Variants in UBE2E2 observed in about 807,000 individuals in gnomAD.
The protein encoded by UBE2E2 is ubiquitin-conjugating enzyme E2 E2.
Under a neutral mutation model 24.7 loss-of-function variants are expected in UBE2E2, and 6 were observed. That is an observed-to-expected ratio of 0.24 (90% confidence interval 0.13 to 0.48). The LOEUF (loss-of-function observed/expected upper bound fraction) is 0.48. UBE2E2 is among the 20% of genes least tolerant of loss of function. The pLI is 0.99. For missense variants in UBE2E2, 169 were observed against 245.0 expected (o/e 0.69, Z 2.07); for synonymous variants, 104 against 83.6 (o/e 1.24, Z -1.33).
chr3:23,459,770 G>A (rs1021726402), intron 3 of UBE2E2, among the ~76,000 whole-genome samples: 1 of 152,092 alleles, frequency 6.6e-6, no homozygotes, highest in Non-Finnish European at 1.5e-5. Flanking sequence ...TGTCTTAATT[G>A]CATATTCCTT....
intron 3 of UBE2E2, among the ~76,000 whole-genome samples, chr3:23,483,432 T>G (rs1699296869): frequency 6.6e-6 from 1 of 152,250 alleles, no homozygotes; most frequent in African/African-American, 2.4e-5. Context: ...TTATTATAAC[T>G]TCACACGGTA....
intron 5 of UBE2E2, among the ~76,000 whole-genome samples, chr3:23,537,103 G>A (rs17013433): frequency 0.033 from 5,066 of 152,264 alleles, 130 homozygotes; most frequent in East Asian, 0.14. Context: ...TAATCTGTAA[G>A]TGGTACGTGA....
At chr3:23,403,258 G>A (rs1319624104) in intron 3 of UBE2E2, among the ~76,000 whole-genome samples, 1 of 152,190 alleles carries the variant, frequency 6.6e-6, no homozygotes, top group African/African-American at 2.4e-5. Flanking sequence ...GGACACTGCA[G>A]TGACTGTCAA....
At chr3:23,446,943 A>T (rs900251541) in intron 3 of UBE2E2, among the ~76,000 whole-genome samples, 1 of 152,092 alleles carries the variant, frequency 6.6e-6, no homozygotes, top group Non-Finnish European at 1.5e-5. Flanking sequence ...AATAGGCCTC[A>T]AAAAGTTTGG....
chr3:23,407,742 G>C lies in UBE2E2; in HGVS notation c.228-91866G>C, dbSNP rs1172144840. Among the ~76,000 whole-genome samples the C allele has an allele frequency of 6.6e-6, 1 of 150,802 alleles. No homozygotes were observed. The highest frequency in any genetic ancestry group is 6.7e-5 in the Admixed American group (1 of 15,016). On this transcript the variant is annotated intron_variant, in intron 3 of 5. Coordinates refer to ENST00000396703, the MANE Select transcript of UBE2E2 (RefSeq NM_152653.4). This position sits in a 1 kb window ranked among gnomAD's most constrained non-coding sequence, Gnocchi z 4.0. ...TATGCCGTTTTACTCCTAAACCTCT[G>C]TACATCTCAAATAAAACCTAAAACT... is the stretch of plus-strand genomic sequence containing the variant.
intron 3 of UBE2E2, among the ~76,000 whole-genome samples, chr3:23,404,833 C>T (rs1034965242): frequency 1.3e-5 from 2 of 152,164 alleles, no homozygotes; most frequent in Non-Finnish European, 2.9e-5. Context: ...CTAGAAATTT[C>T]CATCACTTTT....
intron 4 of UBE2E2, among the ~76,000 whole-genome samples, chr3:23,504,911 T>TC (rs1357498555): frequency 7.6e-6 from 1 of 132,084 alleles, no homozygotes; most frequent in East Asian, 2.3e-4. Flanking sequence ...AGACATTCTT[T>TC]CTTTTTTTTT....
At chr3:23,526,682 T>A (rs1163202137) in intron 4 of UBE2E2, among the ~76,000 whole-genome samples, 1 of 152,204 alleles carries the variant, frequency 6.6e-6, no homozygotes, top group Non-Finnish European at 1.5e-5. Context: ...GATCAAGATT[T>A]TGTTTCCTGC....
intron 3 of UBE2E2, among the ~76,000 whole-genome samples, chr3:23,404,184 TTATC>T (rs1236128468): frequency 2.6e-5 from 4 of 152,146 alleles, no homozygotes; most frequent in Non-Finnish European, 4.4e-5. Flanking sequence ...ATAAATGTAT[TTATC>T]AACTCAGTTG....
chr3:23,352,188 G>C (rs1695775527), intron 3 of UBE2E2, among the ~76,000 whole-genome samples: 1 of 151,912 alleles, frequency 6.6e-6, no homozygotes, highest in Non-Finnish European at 1.5e-5. Context: ...AAACCAACGA[G>C]AACAAAGACA....
chr3:23,393,170 A>AGG (rs1696981979), intron 3 of UBE2E2, among the ~76,000 whole-genome samples: 1 of 152,224 alleles, frequency 6.6e-6, no homozygotes, highest in Admixed American at 6.5e-5. Flanking sequence ...GCTTGGACTA[A>AGG]GGTGGGAAAC....
chr3:23,210,319 T>G (rs933246246), intron 2 of UBE2E2, among the ~76,000 whole-genome samples: 4 of 152,162 alleles, frequency 2.6e-5, no homozygotes, highest in Non-Finnish European at 4.4e-5. Context: ...GCCAGGTCTG[T>G]GGGGAATAGG....
chr3:23,493,760 A>T (rs1347322343), intron 3 of UBE2E2, among the ~76,000 whole-genome samples: 3 of 152,140 alleles, frequency 2.0e-5, no homozygotes, highest in African/African-American at 7.2e-5. Context: ...AGGTTACAGA[A>T]TCATTATTTT....
Position 23,540,423 on chromosome 3 carries a change from T to TGTTG in UBE2E2, c.508+7722_508+7723insGTTG, listed in dbSNP as rs71266415. ...TTGTTTGTTTGTTTGTTTGTTTGTT[T>TGTTG]TGAGACAGTTTCACTCTGTCTCCCA... On this transcript the variant is annotated intron_variant, in intron 5 of 5. Transcript: ENST00000396703. 1.3e-4 allele frequency among the ~76,000 whole-genome samples: 19 copies of TGTTG among 147,366 alleles called. No individual in the cohort carries two copies. In the South Asian group the frequency reaches 3.1e-3, roughly 24 times the overall value.
Position 23,589,906 on chromosome 3 carries a change from TC to T in UBE2E2, c.*77del. On this transcript the variant is annotated 3_prime_UTR_variant, in exon 6 of 6. Coordinates refer to ENST00000396703, the MANE Select transcript of UBE2E2 (RefSeq NM_152653.4). The surrounding 1 kb of genome is among the most constrained non-coding windows in gnomAD (Gnocchi z 4.1). ...GTGCATCGGTAGCCCTGCCCACCCCTCCAGACCTCGGTTCTTATTTTCCTAT... is the reference window on the plus strand; with the variant it reads ...GTGCATCGGTAGCCCTGCCCACCCCTCAGACCTCGGTTCTTATTTTCCTAT... The T allele has an allele frequency of 1.4e-6, 2 of 1,392,962 alleles. No individual in the cohort carries two copies. Among genetic ancestry groups the T allele is most frequent in the South Asian group, 1.2e-5 (1 of 81,614 alleles). 86.3% of individuals were successfully genotyped at this position (1,392,962 alleles called of 1,614,324 possible).
intron 3 of UBE2E2, among the ~76,000 whole-genome samples, chr3:23,222,798 G>C (rs1696691967): frequency 6.6e-6 from 1 of 151,866 alleles, no homozygotes; most frequent in African/African-American, 2.4e-5. Context: ...CCTTTGTACT[G>C]TTCTCCATAG....
At chr3:23,517,704 T>G (rs1023787069) in intron 4 of UBE2E2, among the ~76,000 whole-genome samples, 1 of 152,174 alleles carries the variant, frequency 6.6e-6, no homozygotes, top group African/African-American at 2.4e-5. Context: ...AAATCTTTAT[T>G]TAGCTGTACA....
intron 3 of UBE2E2, among the ~76,000 whole-genome samples, chr3:23,404,980 A>G (rs776481819): frequency 1.3e-5 from 2 of 152,230 alleles, no homozygotes; most frequent in Non-Finnish European, 2.9e-5. Context: ...AATTTGGCTT[A>G]TATACTTTGA....
intron 3 of UBE2E2, among the ~76,000 whole-genome samples, chr3:23,233,142 G>A (rs1469867810): frequency 6.6e-6 from 1 of 152,194 alleles, no homozygotes; most frequent in Non-Finnish European, 1.5e-5. Context: ...AATAGCCTGA[G>A]CCTGTAGGGG....
Sources: allele counts gnomAD v4.1 joint callset (sites outside exome capture counted in the v4.1 genomes callset), GRCh38; gene constraint gnomAD v4.1.1; non-coding constraint Gnocchi (gnomAD v3.1); transcripts MANE v1.5; gene names NCBI Gene and HGNC (gene_info 2026-07-23, HGNC 2026-07-21).